Variants in BBOF1 observed in about 807,000 individuals in gnomAD.
BBOF1 encodes the protein basal body orientation factor 1.
In BBOF1, 62 loss-of-function variants were observed where a neutral mutation model predicts 68.0. The ratio of observed to expected loss-of-function variants is 0.91; its 90% CI spans 0.74 to 1.13. The LOEUF is 1.13. BBOF1 is among the 50% of genes most tolerant of loss of function. The probability of loss-of-function intolerance (pLI) is 0.00; values close to 1 mark genes in which losing one functional copy is unlikely to be tolerated. For missense variants in BBOF1, 534 were observed against 600.1 expected, an observed-to-expected ratio of 0.89 and a Z score of 1.15; for synonymous variants, 208 against 198.8, an observed-to-expected ratio of 1.05 and a Z score of -0.39.
intron 11 of BBOF1, among the ~76,000 whole-genome samples, chr14:74,062,051 G>GGAAA (rs1176468419): frequency 3.4e-5 from 2 of 59,616 alleles, no homozygotes. Flanking sequence ...TCTCTACTGG[G>GGAAA]AAAAAAAAAA....
At chr14:74,028,141 G>A (rs2059475597) in intron 2 of BBOF1, among the ~76,000 whole-genome samples, 1 of 152,080 alleles carries the variant, frequency 6.6e-6, no homozygotes, top group Non-Finnish European at 1.5e-5. Flanking sequence ...GCTGAGGCTG[G>A]TGGATCACCT....
chr14:74,052,583 T>G (rs2139644249), intron 8 of BBOF1, among the ~76,000 whole-genome samples: 1 of 151,890 alleles, frequency 6.6e-6, no homozygotes, highest in Admixed American at 6.6e-5. Flanking sequence ...TGGCAGAGGT[T>G]GCAGTGAGCC....
At chr14:74,041,939 A>C (rs1350052914) in intron 5 of BBOF1, among the ~76,000 whole-genome samples, 1 of 152,134 alleles carries the variant, frequency 6.6e-6, no homozygotes, top group Admixed American at 6.6e-5. Flanking sequence ...CAGGAGGCTG[A>C]GACGGGAGAA....
rs1555376468 is a variant in BBOF1 at position 74,064,309 on chromosome 14, AAAT to A, written c.1579-365_1579-363del. ...CGAGACTGTGTCTCAAAAAAAAAAA[AAAT>A]AATAATAATAATAGTAATAATAATG... On this transcript the variant is annotated intron_variant, in intron 11 of 11. Transcript: ENST00000394009. Among the ~76,000 whole-genome samples the A allele has an allele frequency of 1.1e-3, 157 of 148,650 alleles. 7 individuals are homozygous for A. The highest frequency in any genetic ancestry group is 1.1e-3 in the Non-Finnish European group (77 of 67,454).
At chr14:74,071,767 A>G in intron 9 of BBOF1, 5 of 1,461,672 alleles carry the variant, frequency 3.4e-6, no homozygotes, top group Non-Finnish European at 4.8e-6. Flanking sequence ...ATTTTTCACA[A>G]GTATTAAAAA....
At chr14:74,031,574 G>C (rs760188795) in intron 3 of BBOF1, among the ~76,000 whole-genome samples, 11 of 152,120 alleles carry the variant, frequency 7.2e-5, no homozygotes, top group Middle Eastern at 3.4e-3. Context: ...AGAAGGTCAG[G>C]GTGCTAGCAT....
chr14:74,077,561 C>T (rs1271302869), intron 9 of BBOF1, among the ~76,000 whole-genome samples: 20 of 152,052 alleles, frequency 1.3e-4, no homozygotes, highest in Non-Finnish European at 5.9e-5. Flanking sequence ...GGGGGGGTAT[C>T]CTGGCTTTAT....
At chr14:74,035,532 C>T (rs1359097694) in intron 4 of BBOF1, among the ~76,000 whole-genome samples, 1 of 150,052 alleles carries the variant, frequency 6.7e-6, no homozygotes, top group Non-Finnish European at 1.5e-5. Context: ...TTCTCGCTGC[C>T]TCAGCCTCCC....
chr14:74,042,863 T>G (rs1566805134), intron 5 of BBOF1, among the ~76,000 whole-genome samples: 1 of 120,598 alleles, frequency 8.3e-6, no homozygotes, highest in Non-Finnish European at 1.7e-5. Context: ...CTCTCTCTTA[T>G]ACACACACAC....
intron 3 of BBOF1, chr14:74,032,019 T>C (rs2059581314): frequency 6.6e-6 from 1 of 152,086 alleles, no homozygotes; most frequent in Admixed American, 6.5e-5. Context: ...TTGCCAAATA[T>C]CCATTTATAG....
chr14:74,039,825 A>C (rs1266707073), intron 4 of BBOF1, among the ~76,000 whole-genome samples: 3 of 152,108 alleles, frequency 2.0e-5, no homozygotes, highest in Non-Finnish European at 4.4e-5. Context: ...TGTGCTGCCT[A>C]CTTACCTTTT....
chr14:74,031,380 T>C (rs936452255), intron 3 of BBOF1, among the ~76,000 whole-genome samples: 1 of 152,154 alleles, frequency 6.6e-6, no homozygotes, highest in African/African-American at 2.4e-5. Context: ...CCCAAAGTGT[T>C]GGAATTATAG....
intron 9 of BBOF1, chr14:74,072,181 G>A: frequency 1.9e-6 from 3 of 1,614,148 alleles, no homozygotes; most frequent in Non-Finnish European, 2.5e-6. Flanking sequence ...GTTTGGAAAA[G>A]CATACCATTT....
intron 9 of BBOF1, among the ~76,000 whole-genome samples, chr14:74,077,999 G>A (rs951945553): frequency 5.9e-5 from 9 of 152,124 alleles, no homozygotes; most frequent in East Asian, 3.8e-4. Flanking sequence ...CCAACTACTC[G>A]GGAAGCTGAG....
rs777360392 is a variant in BBOF1, at chr14:74,049,879, G to C, written c.970G>C (p.Gly324Arg). Residue 324 changes from glycine to arginine, a missense_variant, in exon 8 of 12, where the codon GGT becomes CGT. Physicochemically the swap from Gly to Arg is moderately radical, Grantham distance 125. Transcript: ENST00000394009. The part of the protein sequence containing the change: ...QQHAMIENQA[G>R]QVEIDKLQHL... Reference sequence around the variant, plus strand: ...ACACGCAATGATAGAGAACCAAGCAGGTCAGGTAGAAATTGACAAGCTGCA... The same window carrying C: ...ACACGCAATGATAGAGAACCAAGCACGTCAGGTAGAAATTGACAAGCTGCA... 7.4e-6 allele frequency: 12 copies of C among 1,614,138 alleles called. No individual in the cohort carries two copies. In the South Asian group the frequency reaches 1.2e-4, roughly 16 times the overall value.
downstream of BBOF1, chr14:74,068,766 G>T: frequency 1.4e-6 from 2 of 1,406,166 alleles, no homozygotes; most frequent in Non-Finnish European, 1.0e-6. Context: ...CACTGACATT[G>T]GAGTGGGATG....
At chr14:74,042,406 T>A (rs1420348313) in intron 5 of BBOF1, among the ~76,000 whole-genome samples, 1 of 152,162 alleles carries the variant, frequency 6.6e-6, no homozygotes, top group Non-Finnish European at 1.5e-5. Context: ...AAATAAAGGT[T>A]AGAAAGAGTT....
intron 11 of BBOF1, among the ~76,000 whole-genome samples, chr14:74,063,865 CA>C (rs71115948): frequency 0.56 from 69,431 of 123,992 alleles, 17,090 homozygotes; most frequent in East Asian, 0.88. Context: ...GACTCTGTCT[CA>C]AAAAAAAAAA....
At chr14:74,077,481 C>T (rs2060624644) in intron 9 of BBOF1, among the ~76,000 whole-genome samples, 2 of 152,174 alleles carry the variant, frequency 1.3e-5, no homozygotes, top group Non-Finnish European at 2.9e-5. Context: ...CTGGCGAGGG[C>T]TTCTGTCCTG....
Sources: gnomAD v4.1 joint callset for allele counts (sites outside exome capture counted in the v4.1 genomes callset) on GRCh38, gnomAD v4.1.1 for gene constraint, MANE v1.5 for transcripts, NCBI Gene and HGNC (gene_info 2026-07-23, HGNC 2026-07-21) for gene names.